Variants in STPG2 observed in about 807,000 individuals in gnomAD.
STPG2 encodes sperm-tail PG-rich repeat-containing protein 2.
STPG2 carries 56 observed loss-of-function variants against 54.2 expected under a neutral mutation model. The observed-to-expected ratio is 1.03, with a 90% CI of 0.83 to 1.29. STPG2 has a LOEUF of 1.29. Ranked by LOEUF, STPG2 falls within the 50% of genes most tolerant of loss-of-function variation. The probability of loss-of-function intolerance (pLI) is 0.00; values close to 1 mark genes in which losing one functional copy is unlikely to be tolerated. For synonymous variants in STPG2, 200 were observed against 181.8 expected, an observed-to-expected ratio of 1.10 and a Z score of -0.81; for missense variants, 596 against 544.9, an observed-to-expected ratio of 1.09 and a Z score of -0.93.
intron 8 of STPG2, among the ~76,000 whole-genome samples, chr4:97,897,870 T>C (rs1015736470): frequency 6.6e-6 from 1 of 152,192 alleles, no homozygotes; most frequent in African/African-American, 2.4e-5. Flanking sequence ...GTTCACTCTG[T>C]TGATAGCCTC....
Position 97,443,125 on chromosome 4 carries a change from A to C in STPG2, c.463-255292T>G, listed in dbSNP as rs560455569. Reference sequence around the variant, plus strand: ...AACTATACAGACAACCAAGTTTTGAAGGGCCAGAAATTTGGTGAGAATAGT... The same window carrying C: ...AACTATACAGACAACCAAGTTTTGACGGGCCAGAAATTTGGTGAGAATAGT... On this transcript the variant is annotated intron_variant, in intron 4 of 4. Transcript: ENST00000522676. Among the ~76,000 whole-genome samples, 638 of 152,292 alleles carry C rather than the reference A, an allele frequency of 4.2e-3. 3 individuals carry two copies. Among genetic ancestry groups the C allele is most frequent in the South Asian group, 0.02 (96 of 4,828 alleles).
intron 5 of STPG2, among the ~76,000 whole-genome samples, chr4:98,095,242 G>A (rs1166125133): frequency 6.6e-6 from 1 of 152,028 alleles, no homozygotes; most frequent in African/African-American, 2.4e-5. Context: ...AGGAAGACAG[G>A]AAGGCATGAA....
chr4:97,796,103 C>A (rs181996644), intron 9 of STPG2, among the ~76,000 whole-genome samples: 1 of 152,110 alleles, frequency 6.6e-6, no homozygotes, highest in Non-Finnish European at 1.5e-5. Context: ...GATATTAGCC[C>A]TTTGTCAGAT....
rs184179387 is a variant in STPG2 at position 97,537,559 on chromosome 4, G to T, written c.462+175140C>A. Among the ~76,000 whole-genome samples, 633 of 152,262 alleles carry T rather than the reference G, an allele frequency of 4.2e-3. 3 individuals carry two copies. Among genetic ancestry groups the T allele is most frequent in the South Asian group, 0.02 (98 of 4,830 alleles). On this transcript the variant is annotated intron_variant, in intron 4 of 4. Coordinates refer to the STPG2 transcript ENST00000522676. ...CAAAGCAGCTGGGAAGTTCAAACTG[G>T]GTGGAGCCCACCTCAGCTCAAGGAG...
intron 8 of STPG2, among the ~76,000 whole-genome samples, chr4:97,904,243 C>A (rs1301304454): frequency 1.3e-5 from 2 of 152,202 alleles, no homozygotes; most frequent in African/African-American, 2.4e-5. Context: ...CAGCACACAG[C>A]TGGAGATCTG....
At chr4:97,982,377 T>TAC (rs59489663) in intron 5 of STPG2, among the ~76,000 whole-genome samples, 52,263 of 143,414 alleles carry the variant, frequency 0.36, 10,267 homozygotes, top group Admixed American at 0.49. Context: ...TCTCTTACTC[T>TAC]ACACACACAC....
At chr4:97,588,919 A>G (rs1275403404) in intron 10 of STPG2, among the ~76,000 whole-genome samples, 3 of 152,114 alleles carry the variant, frequency 2.0e-5, no homozygotes, top group African/African-American at 7.2e-5. Context: ...ATAGTTTTAC[A>G]TAACCCACAC....
At chr4:97,994,888 A>G (rs537854395) in intron 5 of STPG2, among the ~76,000 whole-genome samples, 3 of 152,236 alleles carry the variant, frequency 2.0e-5, no homozygotes, top group African/African-American at 7.2e-5. Context: ...CTTTGTCTTC[A>G]GCTACAAGGG....
intron 10 of STPG2, among the ~76,000 whole-genome samples, chr4:97,587,374 A>G (rs1733026982): frequency 6.6e-6 from 1 of 151,994 alleles, no homozygotes; most frequent in African/African-American, 2.4e-5. Context: ...GTGTTATACT[A>G]TTCTAAAGAT....
At chr4:98,124,108 C>A (rs190293640) in intron 3 of STPG2, among the ~76,000 whole-genome samples, 1 of 152,068 alleles carries the variant, frequency 6.6e-6, no homozygotes, top group Non-Finnish European at 1.5e-5. Flanking sequence ...TACAGCACAC[C>A]GATGGATCTT....
chr4:98,069,547 T>TA lies in STPG2; in HGVS notation c.612+36405dup, dbSNP rs539880999. ...TAAGTCCTAACGGCCCCTCTTAAGC[T>TA]AAAAAAAGCATGAAAAATAGAGGCA... On this transcript the variant is annotated intron_variant, in intron 5 of 10. Coordinates refer to ENST00000295268, the MANE Select transcript of STPG2 (RefSeq NM_174952.3). 4.3e-3 allele frequency among the ~76,000 whole-genome samples: 657 copies of TA among 151,908 alleles called. 3 individuals are homozygous for TA. Among genetic ancestry groups the TA allele is most frequent in the South Asian group, 0.025 (119 of 4,812 alleles).
intron 8 of STPG2, among the ~76,000 whole-genome samples, chr4:97,853,075 C>A (rs77494089): frequency 4.0e-4 from 57 of 141,356 alleles, no homozygotes; most frequent in African/African-American, 1.5e-3. Context: ...CTCCCGGGTT[C>A]ACGCCATTCC....
chr4:98,134,489 A>T, intron 1 of STPG2, 30 bp from the exon 2 acceptor site: 1 of 1,213,504 alleles, frequency 8.2e-7, no homozygotes. Context: ...TGACCAGCAG[A>T]TAAGATAAGA....
chr4:97,917,840 C>T (rs1448403991), intron 8 of STPG2, among the ~76,000 whole-genome samples: 2 of 152,046 alleles, frequency 1.3e-5, no homozygotes, highest in Non-Finnish European at 2.9e-5. Flanking sequence ...TAAATTTCAT[C>T]TTTTTAGGCT....
At chr4:97,460,719 C>T (rs1005592087) in intron 4 of STPG2, among the ~76,000 whole-genome samples, 1 of 152,082 alleles carries the variant, frequency 6.6e-6, no homozygotes, top group African/African-American at 2.4e-5. Flanking sequence ...AAAGTATCAC[C>T]AGTCCTCCAA....
chr4:97,454,308 T>C (rs1024979510), intron 4 of STPG2, among the ~76,000 whole-genome samples: 3 of 150,658 alleles, frequency 2.0e-5, no homozygotes, highest in African/African-American at 7.3e-5. Flanking sequence ...GGTCAGGAGA[T>C]CGAGACCATC....
At chr4:97,822,208 T>C (rs945066743) in intron 9 of STPG2, among the ~76,000 whole-genome samples, 2 of 152,256 alleles carry the variant, frequency 1.3e-5, no homozygotes, top group Non-Finnish European at 2.9e-5. Flanking sequence ...AAATTTTTTC[T>C]GCTAGATACC....
At chr4:97,701,908 T>A (rs1723791410) in intron 10 of STPG2, among the ~76,000 whole-genome samples, 2 of 152,176 alleles carry the variant, frequency 1.3e-5, no homozygotes, top group Admixed American at 6.5e-5. Flanking sequence ...TCCCATTATA[T>A]TTAAATTTTG....
chr4:97,740,435 G>C (rs1313177595), intron 9 of STPG2, among the ~76,000 whole-genome samples: 1 of 152,122 alleles, frequency 6.6e-6, no homozygotes, highest in Non-Finnish European at 1.5e-5. Flanking sequence ...CCTGTTTGCA[G>C]ATGACATGAT....
Sources: gnomAD v4.1 joint callset for allele counts (sites outside exome capture counted in the v4.1 genomes callset) on GRCh38, gnomAD v4.1.1 for gene constraint, MANE v1.5 for transcripts, NCBI Gene and HGNC (gene_info 2026-07-23, HGNC 2026-07-21) for gene names.